Variants in IFT43 observed in about 807,000 individuals in gnomAD.
The protein encoded by IFT43 is intraflagellar transport protein 43 homolog.
A neutral mutation model predicts 32.3 loss-of-function variants in IFT43; 33 were observed. The ratio of observed to expected loss-of-function variants is 1.02; its 90% CI spans 0.77 to 1.37. The LOEUF is 1.37. Ranked by LOEUF, IFT43 falls within the 40% of genes most tolerant of loss-of-function variation. IFT43 has a pLI of 0.00. For synonymous variants in IFT43, 93 were observed against 98.2 expected, an observed-to-expected ratio of 0.95 and a Z score of 0.31; for missense variants, 274 against 265.9, an observed-to-expected ratio of 1.03 and a Z score of -0.21.
intron 2 of IFT43, among the ~76,000 whole-genome samples, chr14:76,014,840 G>C (rs141480204): frequency 3.2e-3 from 484 of 152,208 alleles, no homozygotes; most frequent in African/African-American, 0.011. Flanking sequence ...GGATTCTTCA[G>C]CTTCACCTTT....
At chr14:76,069,665 A>T (rs1408160279) in intron 5 of IFT43, among the ~76,000 whole-genome samples, 3 of 152,274 alleles carry the variant, frequency 2.0e-5, no homozygotes, top group Non-Finnish European at 4.4e-5. Context: ...AGTTCATCTC[A>T]GAGCTAAATT....
chr14:76,050,345 T>C (rs1240448716), intron 3 of IFT43, among the ~76,000 whole-genome samples: 1 of 152,204 alleles, frequency 6.6e-6, no homozygotes, highest in Non-Finnish European at 1.5e-5. Flanking sequence ...GGACTCCTGG[T>C]CTCCACTTCT....
chr14:76,072,357 AG>A (rs1200952500), intron 5 of IFT43, among the ~76,000 whole-genome samples: 1 of 152,166 alleles, frequency 6.6e-6, no homozygotes, highest in Non-Finnish European at 1.5e-5. Flanking sequence ...CTGGGCCATG[AG>A]ACTTGACCAG....
In IFT43 at chr14:76,083,539, GAGA is replaced by G. The variant is rs753836897; in HGVS notation, c.592_594del (p.Lys198del). ...CACTGAGTGGGACCCACTGCAGACG[GAGA>G]AGGAGGACCCTGCGGGGCAGGCCAG... is the stretch of plus-strand genomic sequence containing the variant. On this transcript the variant is annotated inframe_deletion, in exon 9 of 9. Coordinates refer to ENST00000314067, the MANE Select transcript of IFT43 (RefSeq NM_001102564.3). The G allele has an allele frequency of 5.6e-6, 9 of 1,614,182 alleles. No individual in the cohort carries two copies. The highest frequency in any genetic ancestry group is 5.5e-5 in the South Asian group (5 of 91,082).
chr14:76,076,471 T>C lies in IFT43; in HGVS notation c.296-5824T>C, dbSNP rs2037414023. 6.4e-6 allele frequency: 9 copies of C among 1,412,886 alleles called. No individual in the cohort carries two copies. The Middle Eastern group carries it at 8.9e-4, about 139-fold the overall frequency. 87.5% of individuals were successfully genotyped at this position (1,412,886 alleles called of 1,614,324 possible). Reference sequence around the variant, plus strand: ...GCCTGGGTGGGACCCAGGGGCCAGATTGGGGTGTCTCCTTTGTTCTCTCCC... The same window carrying C: ...GCCTGGGTGGGACCCAGGGGCCAGACTGGGGTGTCTCCTTTGTTCTCTCCC... On this transcript the variant is annotated intron_variant, in intron 5 of 8. Transcript: ENST00000314067.
At chr14:76,082,527 G>C in intron 6 of IFT43, 90 bp from the exon 7 acceptor site, 1 of 1,466,492 alleles carries the variant, frequency 6.8e-7, no homozygotes, top group Non-Finnish European at 9.6e-7. Context: ...ATCCCCTGCT[G>C]TATACAAGGT....
intron 2 of IFT43, among the ~76,000 whole-genome samples, chr14:76,015,298 C>T (rs924690826): frequency 6.6e-6 from 1 of 152,092 alleles, no homozygotes; most frequent in African/African-American, 2.4e-5. Flanking sequence ...TAGGCATTTC[C>T]CTCTAAATGC....
chr14:75,998,194 A>G (rs1367628922), intron 2 of IFT43, among the ~76,000 whole-genome samples: 1 of 152,196 alleles, frequency 6.6e-6, no homozygotes, highest in African/African-American at 2.4e-5. Flanking sequence ...CAAGCTGCAG[A>G]AATGGCTCTT....
intron 2 of IFT43, among the ~76,000 whole-genome samples, chr14:76,019,438 G>A (rs545664063): frequency 2.2e-4 from 33 of 151,770 alleles, no homozygotes; most frequent in African/African-American, 8.0e-4. Context: ...TGGCCCGTAA[G>A]GTTTCTGCTG....
chr14:76,047,980 A>T (rs2036842007), intron 3 of IFT43, among the ~76,000 whole-genome samples: 1 of 152,050 alleles, frequency 6.6e-6, no homozygotes, highest in Non-Finnish European at 1.5e-5. Context: ...CCGTTTGGAG[A>T]TGGAGAAAAT....
intron 5 of IFT43, among the ~76,000 whole-genome samples, chr14:76,064,239 C>T (rs1264077126): frequency 6.6e-6 from 1 of 152,164 alleles, no homozygotes; most frequent in African/African-American, 2.4e-5. Flanking sequence ...AATATGAGAT[C>T]TTGCATTTCT....
intron 5 of IFT43, among the ~76,000 whole-genome samples, chr14:76,069,848 G>GC (rs2037289361): frequency 6.6e-6 from 1 of 152,148 alleles, no homozygotes. Context: ...CAGCTCTCAG[G>GC]CACCTGGGCA....
At chr14:76,004,545 C>T in intron 2 of IFT43, among the ~76,000 whole-genome samples, 1 of 152,162 alleles carries the variant, frequency 6.6e-6, no homozygotes, top group East Asian at 1.9e-4. Flanking sequence ...CTAAGGTTTG[C>T]TGATCTCACA....
At chr14:75,991,388 A>AGTGTGTGTGTGTATATTAACAAGAGTGT (rs1555362325) in intron 2 of IFT43, among the ~76,000 whole-genome samples, 6 of 141,988 alleles carry the variant, frequency 4.2e-5, no homozygotes, top group African/African-American at 1.6e-4. Context: ...TATTAACAAG[A>AGTGTGTGTGTGTATATTAACAAGAGTGT]GTGTGTGTGT....
intron 2 of IFT43, among the ~76,000 whole-genome samples, chr14:76,012,672 G>C (rs970718018): frequency 6.6e-6 from 1 of 152,206 alleles, no homozygotes; most frequent in Non-Finnish European, 1.5e-5. Context: ...CGTGACTCCA[G>C]CTTTTAAGAG....
At chr14:75,988,141 C>A (rs1233843101) in intron 1 of IFT43, among the ~76,000 whole-genome samples, 4 of 152,164 alleles carry the variant, frequency 2.6e-5, no homozygotes, top group Non-Finnish European at 4.4e-5. Flanking sequence ...ATAGAATTTT[C>A]TTTTGCCATC....
rs1187312288 is a variant in IFT43 at position 76,058,278 on chromosome 14, CA to C, written c.216-361del. The stretch of plus-strand genomic sequence containing the variant: ...CGCAAGTGCTGACAGCTAACAACAC[CA>C]AATAAGACCCAGGGTCTCAGTCCTA... On this transcript the variant is annotated intron_variant, in intron 3 of 8. Coordinates refer to ENST00000314067, the MANE Select transcript of IFT43 (RefSeq NM_001102564.3). The C allele has an allele frequency of 2.1e-5, 6 of 284,752 alleles. No individual in the cohort carries two copies. The East Asian group carries it at 5.7e-4, about 27-fold the overall frequency. 17.6% of individuals were successfully genotyped at this position (284,752 alleles called of 1,614,324 possible).
intron 3 of IFT43, among the ~76,000 whole-genome samples, chr14:76,044,247 C>T (rs2036761889): frequency 1.3e-5 from 2 of 152,226 alleles, no homozygotes; most frequent in South Asian, 4.2e-4. Context: ...ACTATGTTGA[C>T]CAGGCTGGTC....
At chr14:76,008,697 C>G (rs978931553) in intron 2 of IFT43, among the ~76,000 whole-genome samples, 1 of 152,202 alleles carries the variant, frequency 6.6e-6, no homozygotes, top group Non-Finnish European at 1.5e-5. Context: ...TTCAGTCCCT[C>G]CTTCTTCAAA....
Sources: gnomAD v4.1 joint callset for allele counts (sites outside exome capture counted in the v4.1 genomes callset) on GRCh38, gnomAD v4.1.1 for gene constraint, MANE v1.5 for transcripts, NCBI Gene and HGNC (gene_info 2026-07-23, HGNC 2026-07-21) for gene names.